The following CCDC85A variants were observed in gnomAD, a reference collection of about 807,000 sequenced individuals.
The protein encoded by CCDC85A is coiled-coil domain containing 85A, also known as coiled-coil domain-containing protein 85A.
In CCDC85A, 38 loss-of-function variants were observed where a neutral mutation model predicts 50.2. The observed-to-expected ratio is 0.76, with a 90% CI of 0.58 to 0.99. CCDC85A has a LOEUF of 0.99. Among genes scored for constraint, CCDC85A ranks in the 50% least tolerant of loss-of-function variants. The pLI, the probability that CCDC85A is intolerant of heterozygous loss-of-function variation, is 0.00. For missense variants in CCDC85A, 820 were observed against 742.0 expected, an observed-to-expected ratio of 1.11 and a Z score of -1.22; for synonymous variants, 366 against 301.4, an observed-to-expected ratio of 1.21 and a Z score of -2.22.
intron 2 of CCDC85A, among the ~76,000 whole-genome samples, chr2:56,236,144 T>C (rs1669005751): frequency 6.6e-6 from 1 of 152,150 alleles, no homozygotes; most frequent in Non-Finnish European, 1.5e-5. Context: ...ATAACAGAAT[T>C]GTAACAGCTT....
intron 2 of CCDC85A, among the ~76,000 whole-genome samples, chr2:56,273,345 A>G (rs929471580): frequency 3.9e-5 from 6 of 152,134 alleles, no homozygotes; most frequent in African/African-American, 9.7e-5. Flanking sequence ...GCACCTCAGT[A>G]TATGGGAGGG....
intron 2 of CCDC85A, among the ~76,000 whole-genome samples, chr2:56,265,352 T>C (rs1480304185): frequency 6.6e-6 from 1 of 152,204 alleles, no homozygotes; most frequent in Non-Finnish European, 1.5e-5. Context: ...ACTGTGCTTA[T>C]GTTTAAAATA....
At chr2:56,306,881 T>A (rs1347244319) in intron 2 of CCDC85A, among the ~76,000 whole-genome samples, 1 of 152,176 alleles carries the variant, frequency 6.6e-6, no homozygotes, top group East Asian at 1.9e-4. Context: ...TTGTCTGATA[T>A]GAGTTAATTT....
At chr2:56,261,962 C>T (rs952395783) in intron 2 of CCDC85A, among the ~76,000 whole-genome samples, 2 of 152,120 alleles carry the variant, frequency 1.3e-5, no homozygotes, top group African/African-American at 2.4e-5. Context: ...CCAGGTGGGC[C>T]GCAGTGAAAG....
chr2:56,224,562 C>T (rs1279919260), intron 2 of CCDC85A, among the ~76,000 whole-genome samples: 1 of 152,170 alleles, frequency 6.6e-6, no homozygotes, highest in Non-Finnish European at 1.5e-5. Context: ...TACCATTTTA[C>T]ATTCCCATCA....
Position 56,304,904 on chromosome 2 carries a change from AC to A in CCDC85A, c.1241-37974del, listed in dbSNP as rs1348209765. On this transcript the variant is annotated intron_variant, in intron 2 of 5. Transcript: ENST00000407595. ...TCTCTACTAAATATAACTAAAAAAA[AC>A]AAAAAACAAAAAACAAACAAACAAA... Among the ~76,000 whole-genome samples, 1,262 of 148,084 alleles carry A rather than the reference AC, an allele frequency of 8.5e-3. 23 individuals carry two copies. Among genetic ancestry groups the A allele is most frequent in the African/African-American group, 0.03 (1,170 of 38,924 alleles).
chr2:56,245,524 C>A (rs3971875), intron 2 of CCDC85A, among the ~76,000 whole-genome samples: 83,168 of 152,110 alleles, frequency 0.55, 23,394 homozygotes, highest in African/African-American at 0.66. Context: ...GTGATTGCTT[C>A]CCTGATTTTT....
At position 56,193,416 on chromosome 2, in the gene CCDC85A, C is replaced by G. The variant is rs114846283; in HGVS notation, c.1216C>G (p.Arg406Gly). ...ACAGGAGGACGGGTCACCCCATCAC[C>G]GGAATGTCTACAGTGGCATGAACGG... is the stretch of plus-strand genomic sequence containing the variant. ...QAQEDGSPHH[R>G]NVYSGMNEST... Residue 406 changes from arginine (R) to glycine (G), a missense_variant, in exon 2 of 6, where the codon CGG (arginine) becomes GGG (glycine). Arg to Gly is a moderately radical substitution (Grantham distance 125). Coordinates refer to ENST00000407595, the MANE Select transcript of CCDC85A (RefSeq NM_001080433.2). 1.2e-3 allele frequency: 1,943 copies of G among 1,608,916 alleles called. 26 individuals carry two copies. In the African/African-American group the frequency reaches 0.024, roughly 20 times the overall value.
chr2:56,218,228 G>A (rs1352740621), intron 2 of CCDC85A, among the ~76,000 whole-genome samples: 3 of 151,854 alleles, frequency 2.0e-5, no homozygotes, highest in Non-Finnish European at 4.4e-5. Context: ...TGAGAAAGAA[G>A]AGTTTAAAAG....
intron 2 of CCDC85A, among the ~76,000 whole-genome samples, chr2:56,262,743 T>C (rs1670273658): frequency 6.6e-6 from 1 of 152,246 alleles, no homozygotes; most frequent in African/African-American, 2.4e-5. Context: ...ATCTCAAGAT[T>C]CTGCTTTCTG....
At chr2:56,230,754 T>C (rs1045941612) in intron 2 of CCDC85A, among the ~76,000 whole-genome samples, 2 of 152,248 alleles carry the variant, frequency 1.3e-5, no homozygotes, top group African/African-American at 4.8e-5. Flanking sequence ...TTTTTAACTT[T>C]GACTTGTTTA....
rs895053148 is a variant in CCDC85A, at chr2:56,193,393, A to C, written c.1193A>C (p.Gln398Pro). 1.9e-6 allele frequency: 3 copies of C among 1,611,118 alleles called. No individual in the cohort carries two copies. Among genetic ancestry groups the C allele is most frequent in the Admixed American group, 3.4e-5 (2 of 59,542 alleles). The stretch of plus-strand genomic sequence containing the variant: ...GAGGGCACCCTCAGACGGCAGGCAC[A>C]GGAGGACGGGTCACCCCATCACCGG... The part of the protein sequence containing the change: ...SREGTLRRQA[Q>P]EDGSPHHRNV... Residue 398 changes from glutamine (Q) to proline (P), a missense_variant, in exon 2 of 6, where the codon CAG becomes CCG. Transcript: ENST00000407595.
At position 56,220,937 on chromosome 2, in the gene CCDC85A, A is replaced by T. The variant is rs188326652; in HGVS notation, c.1240+27497A>T. Reference sequence around the variant, plus strand: ...TGATTGGCTCTTAAATGGTCTCTCCATTTGCATGAAATTCCCAGAGCCTCC... The same window carrying T: ...TGATTGGCTCTTAAATGGTCTCTCCTTTTGCATGAAATTCCCAGAGCCTCC... On this transcript the variant is annotated intron_variant, in intron 2 of 5. Coordinates refer to ENST00000407595, the MANE Select transcript of CCDC85A (RefSeq NM_001080433.2). Among the ~76,000 whole-genome samples, 138 of 152,112 alleles carry T rather than the reference A, an allele frequency of 9.1e-4. 1 individual carries two copies. The highest frequency in any genetic ancestry group is 3.1e-3 in the African/African-American group (128 of 41,532).
chr2:56,279,277 C>T (rs1335802112), intron 2 of CCDC85A, among the ~76,000 whole-genome samples: 1 of 152,168 alleles, frequency 6.6e-6, no homozygotes, highest in Non-Finnish European at 1.5e-5. Context: ...TTATAATTCA[C>T]ATATGCAGTT....
At chr2:56,226,935 A>G (rs929060161) in intron 2 of CCDC85A, among the ~76,000 whole-genome samples, 1 of 152,132 alleles carries the variant, frequency 6.6e-6, no homozygotes, top group Non-Finnish European at 1.5e-5. Flanking sequence ...CTGAGAGGGG[A>G]TGCATCCTGA....
At chr2:56,360,240 A>G (rs148241952) in intron 3 of CCDC85A, among the ~76,000 whole-genome samples, 1 of 152,364 alleles carries the variant, frequency 6.6e-6, no homozygotes, top group East Asian at 1.9e-4. Context: ...GCCTCTCTGT[A>G]GCACTTAATG....
At chr2:56,216,474 C>T (rs1006598599) in intron 2 of CCDC85A, among the ~76,000 whole-genome samples, 5 of 151,684 alleles carry the variant, frequency 3.3e-5, no homozygotes, top group East Asian at 1.9e-4. Context: ...TTTGTTCCTT[C>T]CTGACTGCCA....
intron 2 of CCDC85A, among the ~76,000 whole-genome samples, chr2:56,260,399 A>T (rs1170096823): frequency 3.3e-5 from 5 of 152,220 alleles, no homozygotes; most frequent in Admixed American, 3.3e-4. Context: ...CTTTTCAAGA[A>T]GATGTTTGCC....
At chr2:56,379,872 G>A (rs943662656) in intron 5 of CCDC85A, 1 of 838,248 alleles carries the variant, frequency 1.2e-6, no homozygotes, top group Non-Finnish European at 1.4e-6. Flanking sequence ...GCTTTATTGT[G>A]TATTCTGTGT....
Sources: allele counts gnomAD v4.1 joint callset (sites outside exome capture counted in the v4.1 genomes callset), GRCh38; gene constraint gnomAD v4.1.1; transcripts MANE v1.5; gene names NCBI Gene and HGNC (gene_info 2026-07-23, HGNC 2026-07-21).